Variants in PAX2 observed in about 807,000 individuals in gnomAD.
The protein encoded by PAX2 is paired box protein Pax-2.
In PAX2, 9 loss-of-function variants were observed where a neutral mutation model predicts 41.7. The observed-to-expected ratio is 0.22, with a 90% CI of 0.13 to 0.38. The LOEUF (loss-of-function observed/expected upper bound fraction) is 0.38. Ranked by LOEUF, PAX2 falls within the 10% of genes least tolerant of loss-of-function variation. PAX2 has a pLI of 1.00. For synonymous variants in PAX2, 221 were observed against 212.7 expected, an observed-to-expected ratio of 1.04 and a Z score of -0.34; for missense variants, 418 against 531.6, an observed-to-expected ratio of 0.79 and a Z score of 2.10.
At chr10:100,774,305 G>T (rs1362710085) in intron 3 of PAX2, among the ~76,000 whole-genome samples, 1 of 152,118 alleles carries the variant, frequency 6.6e-6, no homozygotes, top group African/African-American at 2.4e-5. Flanking sequence ...TAAGGGAGTG[G>T]CCTCCCCACC....
intron 3 of PAX2, among the ~76,000 whole-genome samples, chr10:100,751,315 C>T (rs1000043670): frequency 6.6e-6 from 1 of 152,210 alleles, no homozygotes; most frequent in Non-Finnish European, 1.5e-5. Context: ...GTCCTGGCTC[C>T]CTCACCCTCC....
chr10:100,741,007 G>A (rs1844932879), upstream of PAX2, among the ~76,000 whole-genome samples: 1 of 152,252 alleles, frequency 6.6e-6, no homozygotes, highest in Non-Finnish European at 1.5e-5. Context: ...GTGCCACTAA[G>A]AGGCAGCTTT....
chr10:100,828,571 G>A lies in PAX2; in HGVS notation c.*952G>A, dbSNP rs962871979. The A allele has an allele frequency of 6.3e-4, 146 of 233,398 alleles. No individual in the cohort carries two copies. Among genetic ancestry groups the A allele is most frequent in the African/African-American group, 3.1e-3 (142 of 45,432 alleles). The allele number at this position is 233,398 out of a possible 1,614,324, so 14.5% of individuals were successfully genotyped here. ...CGGACGCTCTCCCGGGACCGCCGCA[G>A]GACCAGTTTCCATAGACTGCGGACT... On this transcript the variant is annotated 3_prime_UTR_variant, in exon 10 of 10. Transcript: ENST00000355243. The surrounding 1 kb of genome is among the most constrained non-coding windows in gnomAD (Gnocchi z 6.5).
chr10:100,819,398 G>A (rs1330376389), intron 7 of PAX2, among the ~76,000 whole-genome samples: 2 of 151,846 alleles, frequency 1.3e-5, no homozygotes, highest in African/African-American at 2.4e-5. Context: ...GTGAAACCCC[G>A]TCTCTACTAA....
intron 1 of PAX2, among the ~76,000 whole-genome samples, chr10:100,739,014 G>GACAC (rs61617727): frequency 0.13 from 18,381 of 138,072 alleles, 1,347 homozygotes; most frequent in South Asian, 0.19. Context: ...CGCGCACGCG[G>GACAC]ACACACACAC....
chr10:100,754,744 G>C (rs986123276), intron 3 of PAX2, among the ~76,000 whole-genome samples: 2 of 152,176 alleles, frequency 1.3e-5, no homozygotes, highest in African/African-American at 4.8e-5. Flanking sequence ...GATATGTTCC[G>C]GGCTAGGGTC....
intron 1 of PAX2, chr10:100,747,898 C>T: frequency 1.0e-6 from 1 of 984,436 alleles, no homozygotes; most frequent in East Asian, 1.2e-4. Flanking sequence ...GCGGATTCCG[C>T]CGGGGGTCCG....
chr10:100,801,784 G>A (rs540930820), intron 5 of PAX2, among the ~76,000 whole-genome samples: 3 of 152,366 alleles, frequency 2.0e-5, no homozygotes, highest in African/African-American at 7.2e-5. Flanking sequence ...TGGGCCCACT[G>A]TGTTTGGCAC....
chr10:100,777,238 A>ATTACAGG (rs1424983396), intron 3 of PAX2, among the ~76,000 whole-genome samples: 36 of 150,600 alleles, frequency 2.4e-4, no homozygotes, highest in African/African-American at 8.6e-4. Context: ...AGTAGCTGGG[A>ATTACAGG]TTACAGGTGC....
chr10:100,746,208 T>TGA lies in PAX2; in HGVS notation c.-49_-48dup. The TGA allele has an allele frequency of 6.2e-7, 1 of 1,613,458 alleles. No homozygotes were observed. Among genetic ancestry groups the TGA allele is most frequent in the Non-Finnish European group, 8.5e-7 (1 of 1,179,698 alleles). On this transcript the variant is annotated 5_prime_UTR_variant, in exon 1 of 10. Coordinates refer to ENST00000355243, the MANE Select transcript of PAX2 (RefSeq NM_000278.5). ...TCTCCTCAAGTCCTGAAGTTGAGTT[T>TGA]GAGAGGCGACACGGCGGCGGCGGCC...
Position 100,779,578 on chromosome 10 carries a change from C to A in PAX2, c.491C>A (p.Thr164Asn), listed in dbSNP as rs370214925. ...AGTGVTAPGH[T>N]IVPSTASPPV... ...ACAGGAGTGACCGCCCCTGGCCACACCATTGGTAAGAGGGCTCAGGGAAGG... is the reference window on the plus strand; with the variant it reads ...ACAGGAGTGACCGCCCCTGGCCACAACATTGGTAAGAGGGCTCAGGGAAGG... Residue 164 changes from threonine to asparagine, a missense_variant, in exon 4 of 10, where the codon ACC becomes AAC. Thr to Asn is a moderately conservative substitution (Grantham distance 65). Transcript: ENST00000355243. 828 of 1,582,752 alleles carry A rather than the reference C, an allele frequency of 5.2e-4. No homozygotes were observed. The highest frequency in any genetic ancestry group is 6.7e-4 in the Non-Finnish European group (785 of 1,163,734).
intron 1 of PAX2, among the ~76,000 whole-genome samples, chr10:100,739,451 C>A (rs1844878797): frequency 6.6e-6 from 1 of 152,190 alleles, no homozygotes. Context: ...GCGGGCGCGC[C>A]GCGGATGGAT....
chr10:100,752,812 T>C (rs531006907), intron 3 of PAX2, among the ~76,000 whole-genome samples: 1 of 152,306 alleles, frequency 6.6e-6, no homozygotes, highest in Admixed American at 6.5e-5. Flanking sequence ...GAGATGATTT[T>C]GGAAGCTGGC....
At chr10:100,770,634 C>T (rs906033154) in intron 3 of PAX2, among the ~76,000 whole-genome samples, 19 of 152,376 alleles carry the variant, frequency 1.2e-4, no homozygotes, top group Admixed American at 1.2e-3. Context: ...CTCTCAGGGG[C>T]ACGTGGCGGA....
chr10:100,744,070 A>G (rs1019825257), upstream of PAX2, among the ~76,000 whole-genome samples: 2 of 152,242 alleles, frequency 1.3e-5, no homozygotes, highest in Non-Finnish European at 2.9e-5. Context: ...CTGAGGAATA[A>G]GGGCATCCCA....
intron 5 of PAX2, among the ~76,000 whole-genome samples, chr10:100,786,360 A>G (rs1846859863): frequency 1.3e-5 from 2 of 152,136 alleles, no homozygotes; most frequent in Non-Finnish European, 2.9e-5. Flanking sequence ...TAAACATAAG[A>G]TCCTCTTCTT....
intron 5 of PAX2, among the ~76,000 whole-genome samples, chr10:100,782,301 T>C (rs1219629207): frequency 2.0e-5 from 3 of 152,234 alleles, no homozygotes; most frequent in Admixed American, 6.5e-5. Flanking sequence ...ATCTATCCCA[T>C]TAGCCCAGAA....
intron 5 of PAX2, among the ~76,000 whole-genome samples, chr10:100,800,217 C>T (rs747351989): frequency 1.3e-5 from 2 of 151,910 alleles, no homozygotes; most frequent in Non-Finnish European, 2.9e-5. Context: ...TGCTTTCTGC[C>T]CAAGCAAATG....
At chr10:100,780,196 C>G (rs1484731855) in intron 4 of PAX2, among the ~76,000 whole-genome samples, 1 of 152,090 alleles carries the variant, frequency 6.6e-6, no homozygotes, top group African/African-American at 2.4e-5. Flanking sequence ...CTCACCCACT[C>G]TGTATCTCTC....
Sources: allele counts gnomAD v4.1 joint callset (sites outside exome capture counted in the v4.1 genomes callset), GRCh38; gene constraint gnomAD v4.1.1; non-coding constraint Gnocchi (gnomAD v3.1); transcripts MANE v1.5; gene names NCBI Gene and HGNC (gene_info 2026-07-23, HGNC 2026-07-21).